The following FHIT variants were observed in gnomAD, a reference collection of about 807,000 sequenced individuals.
The protein encoded by FHIT is bis(5'-adenosyl)-triphosphatase.
FHIT carries 19 observed loss-of-function variants against 17.9 expected under a neutral mutation model. The ratio of observed to expected loss-of-function variants is 1.06; its 90% CI spans 0.74 to 1.56. The LOEUF is 1.56. FHIT is among the 40% of genes most tolerant of loss of function. The pLI, the probability that FHIT is intolerant of heterozygous loss-of-function variation, is 0.00. For missense variants in FHIT, 248 were observed against 189.2 expected (o/e 1.31, Z -1.82); for synonymous variants, 81 against 69.7 (o/e 1.16, Z -0.81).
intron 4 of FHIT, among the ~76,000 whole-genome samples, chr3:60,604,117 A>C (rs2038531744): frequency 6.6e-6 from 1 of 152,180 alleles, no homozygotes; most frequent in Non-Finnish European, 1.5e-5. Flanking sequence ...AGCAGAAGAG[A>C]AGGCTATCAA....
rs1297518685 is a variant in FHIT, at chr3:60,400,975, G to A, written c.103+135885C>T. ...TGTTAGGCTTAAATTCCTTAGTGCTGCATAGAAATTGGTGCCTTTACAGAG... is the reference window on the plus strand; with the variant it reads ...TGTTAGGCTTAAATTCCTTAGTGCTACATAGAAATTGGTGCCTTTACAGAG... On this transcript the variant is annotated intron_variant, in intron 5 of 9. Coordinates refer to ENST00000492590, the MANE Select transcript of FHIT (RefSeq NM_002012.4). Among the ~76,000 whole-genome samples, 5 of 151,846 alleles carry A rather than the reference G, an allele frequency of 3.3e-5. No homozygotes were observed. The East Asian group carries it at 7.7e-4, about 24-fold the overall frequency.
intron 3 of FHIT, chr3:60,912,670 A>G (rs1272061364): frequency 6.5e-6 from 3 of 459,094 alleles, no homozygotes; most frequent in Non-Finnish European, 1.3e-5. Context: ...CTAGATATTC[A>G]CTAGCCAGAA....
At chr3:59,783,727 T>A (rs1266663077) in intron 8 of FHIT, among the ~76,000 whole-genome samples, 2 of 152,082 alleles carry the variant, frequency 1.3e-5, no homozygotes, top group African/African-American at 4.8e-5. Flanking sequence ...CACCTCCCCA[T>A]CCACAAACAT....
chr3:60,564,031 C>G (rs1017942123), intron 4 of FHIT, among the ~76,000 whole-genome samples: 1 of 152,116 alleles, frequency 6.6e-6, no homozygotes, highest in Admixed American at 6.6e-5. Context: ...TGCCTGGCTT[C>G]AAAGCTTCAA....
chr3:60,115,929 T>G (rs916140331), intron 5 of FHIT, among the ~76,000 whole-genome samples: 1 of 152,156 alleles, frequency 6.6e-6, no homozygotes, highest in Admixed American at 6.5e-5. Flanking sequence ...GGAAGGAAAT[T>G]TACTCAAATG....
intron 3 of FHIT, among the ~76,000 whole-genome samples, chr3:61,031,644 T>G (rs2033014100): frequency 6.6e-6 from 1 of 152,188 alleles, no homozygotes; most frequent in South Asian, 2.1e-4. Context: ...CAATGACACA[T>G]TTTACCCACA....
At chr3:59,955,503 G>C (rs1030452749) in intron 7 of FHIT, among the ~76,000 whole-genome samples, 2 of 152,070 alleles carry the variant, frequency 1.3e-5, no homozygotes, top group Non-Finnish European at 2.9e-5. Flanking sequence ...AATGTTGCTG[G>C]CACACACTTT....
chr3:60,132,519 A>C (rs1343403569), intron 5 of FHIT, among the ~76,000 whole-genome samples: 1 of 152,236 alleles, frequency 6.6e-6, no homozygotes, highest in Non-Finnish European at 1.5e-5. Context: ...TAGATGTTAA[A>C]AGAATGGAGA....
intron 7 of FHIT, among the ~76,000 whole-genome samples, chr3:59,975,383 C>T (rs377218253): frequency 4.8e-4 from 73 of 152,196 alleles, no homozygotes; most frequent in African/African-American, 1.8e-3. Context: ...AAGGACACTA[C>T]ATAAAAGGGC....
intron 2 of FHIT, among the ~76,000 whole-genome samples, chr3:61,153,624 ATCCTTTCTCAG>A (rs2037457321): frequency 6.6e-6 from 1 of 152,174 alleles, no homozygotes; most frequent in South Asian, 2.1e-4. Context: ...AAAATCAAAA[ATCCTTTCTCAG>A]GTAAAGATAT....
At chr3:61,144,997 T>C (rs1208026666) in intron 2 of FHIT, among the ~76,000 whole-genome samples, 1 of 152,208 alleles carries the variant, frequency 6.6e-6, no homozygotes, top group Non-Finnish European at 1.5e-5. Flanking sequence ...TATATCTTTT[T>C]ACTTTTGTGA....
chr3:60,295,456 G>A (rs1010024252), intron 5 of FHIT, among the ~76,000 whole-genome samples: 1 of 152,078 alleles, frequency 6.6e-6, no homozygotes, highest in African/African-American at 2.4e-5. Flanking sequence ...TGGCGAGACA[G>A]GAAGCAAGAG....
chr3:60,615,442 A>T (rs2038922691), intron 4 of FHIT, among the ~76,000 whole-genome samples: 1 of 152,208 alleles, frequency 6.6e-6, no homozygotes, highest in Admixed American at 6.5e-5. Flanking sequence ...TGACCAGTGC[A>T]AACCACCAGA....
At chr3:60,196,982 A>T (rs1207958124) in intron 5 of FHIT, among the ~76,000 whole-genome samples, 2 of 152,154 alleles carry the variant, frequency 1.3e-5, no homozygotes, top group Admixed American at 1.3e-4. Context: ...TCCATCCAAC[A>T]TGTAGATTAC....
intron 4 of FHIT, among the ~76,000 whole-genome samples, chr3:60,570,165 G>A (rs191826854): frequency 6.6e-6 from 1 of 152,084 alleles, no homozygotes; most frequent in Non-Finnish European, 1.5e-5. Flanking sequence ...AAGCCATGCT[G>A]CACTGGAATC....
intron 3 of FHIT, among the ~76,000 whole-genome samples, chr3:61,028,358 A>G (rs148739319): frequency 1.1e-3 from 169 of 152,278 alleles, no homozygotes; most frequent in African/African-American, 3.9e-3. Context: ...TAAACCTATA[A>G]TATAAAAGGC....
intron 2 of FHIT, among the ~76,000 whole-genome samples, chr3:61,159,381 G>C (rs569695064): frequency 6.6e-6 from 1 of 152,142 alleles, no homozygotes; most frequent in Non-Finnish European, 1.5e-5. Context: ...CCACAATAGG[G>C]TGCACAAGCT....
chr3:60,079,544 C>T (rs546226462), intron 5 of FHIT, among the ~76,000 whole-genome samples: 1 of 152,186 alleles, frequency 6.6e-6, no homozygotes, highest in East Asian at 1.9e-4. Flanking sequence ...TGTCCCTTCA[C>T]CATTTTCCCC....
intron 5 of FHIT, among the ~76,000 whole-genome samples, chr3:60,359,658 C>T (rs1038600896): frequency 6.6e-6 from 1 of 152,276 alleles, no homozygotes; most frequent in Non-Finnish European, 1.5e-5. Flanking sequence ...CACTTGTTTT[C>T]GCCAAAGAGA....
Sources: gnomAD v4.1 joint callset for allele counts (sites outside exome capture counted in the v4.1 genomes callset) on GRCh38, gnomAD v4.1.1 for gene constraint, MANE v1.5 for transcripts, NCBI Gene and HGNC (gene_info 2026-07-23, HGNC 2026-07-21) for gene names.